NUDC: variants seen among roughly 807,000 people sequenced by gnomAD.
NUDC encodes the protein nuclear migration protein nudC.
NUDC carries 14 observed loss-of-function variants against 45.0 expected under a neutral mutation model. That is an observed-to-expected ratio of 0.31 (90% confidence interval 0.21 to 0.49). The LOEUF (loss-of-function observed/expected upper bound fraction) is 0.49, where lower values mean the gene tolerates loss of function less well. Among genes scored for constraint, NUDC ranks in the 20% least tolerant of loss-of-function variants. The pLI, the probability that NUDC is intolerant of heterozygous loss-of-function variation, is 0.99. For synonymous variants in NUDC, 153 were observed against 156.7 expected (o/e 0.98, Z 0.17); for missense variants, 323 against 426.2 (o/e 0.76, Z 2.13).
chr1:26,935,551 C>T (rs989561675), intron 2 of NUDC, among the ~76,000 whole-genome samples: 2 of 151,978 alleles, frequency 1.3e-5, no homozygotes, highest in African/African-American at 4.8e-5. Context: ...CTCATGATAA[C>T]TCACTATCAA....
chr1:26,929,876 T>C (rs2082166466), intron 2 of NUDC, among the ~76,000 whole-genome samples: 1 of 151,774 alleles, frequency 6.6e-6, no homozygotes, highest in Admixed American at 6.6e-5. Context: ...ATACAAAAAT[T>C]AGCTGGGCAT....
At position 26,933,084 on chromosome 1, in the gene NUDC, C is replaced by T. The variant is rs549263716; in HGVS notation, c.160-8373C>T. Among the ~76,000 whole-genome samples, 143 of 152,030 alleles carry T rather than the reference C, an allele frequency of 9.4e-4. 1 individual carries two copies. Among genetic ancestry groups the T allele is most frequent in the African/African-American group, 3.1e-3 (128 of 41,466 alleles). The stretch of plus-strand genomic sequence containing the variant: ...CCGAGTACCTGGGACTACAGGCACA[C>T]GCCACCACGCCCGGCTAATTTTTGT... On this transcript the variant is annotated intron_variant, in intron 2 of 8. Transcript: ENST00000321265.
chr1:26,942,863 C>T lies in NUDC; in HGVS notation c.547-8C>T, dbSNP rs767233944. ...GTGGCCTCTTCTGACTGCCTCTGCC[C>T]TATGCAGCTGGCGGTCCCTTTCTGT... On this transcript the variant is annotated splice_polypyrimidine_tract_variant and splice_region_variant and intron_variant, in intron 5 of 8. Coordinates refer to ENST00000321265, the MANE Select transcript of NUDC (RefSeq NM_006600.4). 1.9e-6 allele frequency: 3 copies of T among 1,613,858 alleles called. No individual in the cohort carries two copies. The highest frequency in any genetic ancestry group is 2.7e-5 in the African/African-American group (2 of 75,032).
Position 26,945,394 on chromosome 1 carries a change from A to G in NUDC, c.746A>G (p.Asn249Ser), listed in dbSNP as rs755200144. ...CTCTGGTTGTTCTCTTCACAGATCA[A>G]TAAGATGGAGTGGTGGAGCCGCTTG... ...KVVTVHLEKI[N>S]KMEWWSRLVS... Residue 249 changes from asparagine (N) to serine (S), a missense_variant, in exon 7 of 9, where the codon AAT becomes AGT. This residue lies in a region of NUDC where 245 missense variants were observed against 278.8 expected (regional missense o/e 0.88). Coordinates refer to ENST00000321265, the MANE Select transcript of NUDC (RefSeq NM_006600.4). The G allele has an allele frequency of 2.5e-6, 4 of 1,613,922 alleles. No homozygotes were observed. The highest frequency in any genetic ancestry group is 4.5e-5 in the East Asian group (2 of 44,880).
chr1:26,942,190 G>A (rs1373997058), intron 4 of NUDC, among the ~76,000 whole-genome samples: 1 of 152,130 alleles, frequency 6.6e-6, no homozygotes, highest in Non-Finnish European at 1.5e-5. Flanking sequence ...TACTCGGGAG[G>A]CTGAGGCAGA....
intron 2 of NUDC, among the ~76,000 whole-genome samples, chr1:26,909,077 C>T (rs1042805769): frequency 2.0e-5 from 3 of 152,112 alleles, no homozygotes; most frequent in East Asian, 1.9e-4. Flanking sequence ...CAGGTTCAAC[C>T]GATTCTCCTG....
chr1:26,929,955 C>T (rs1054404839), intron 2 of NUDC, among the ~76,000 whole-genome samples: 3 of 152,006 alleles, frequency 2.0e-5, no homozygotes, highest in Admixed American at 6.6e-5. Context: ...ACCCAGGAGG[C>T]GGAGGTTTCA....
chr1:26,931,754 C>T (rs1369364195), intron 2 of NUDC, among the ~76,000 whole-genome samples: 17 of 149,902 alleles, frequency 1.1e-4, no homozygotes, highest in African/African-American at 4.2e-4. Context: ...TCCAGCCTGG[C>T]GACAGAACGA....
At chr1:26,914,272 G>A (rs1284719107) in intron 3 of NUDC, among the ~76,000 whole-genome samples, 1 of 152,204 alleles carries the variant, frequency 6.6e-6, no homozygotes, top group East Asian at 1.9e-4. Context: ...GGCTGTACCA[G>A]GGCACCAAGG....
rs182841460 is a variant in NUDC, at chr1:26,933,923, G to T, written c.160-7534G>T. Among the ~76,000 whole-genome samples the T allele has an allele frequency of 9.1e-4, 139 of 152,282 alleles. 1 individual carries two copies. The highest frequency in any genetic ancestry group is 3.1e-3 in the African/African-American group (128 of 41,572). On this transcript the variant is annotated intron_variant, in intron 2 of 8. Transcript: ENST00000321265. Reference sequence around the variant, plus strand: ...TAATCCCACCACTTTGGGTGGCCAAGGTGGGCAGATCACGAGGTCAGGAGA... The same window carrying T: ...TAATCCCACCACTTTGGGTGGCCAATGTGGGCAGATCACGAGGTCAGGAGA...
intron 2 of NUDC, among the ~76,000 whole-genome samples, chr1:26,925,447 G>A (rs1272935516): frequency 6.8e-6 from 1 of 148,080 alleles, no homozygotes; most frequent in Non-Finnish European, 1.5e-5. Flanking sequence ...GGCTGAGGCA[G>A]GAGAATGGCG....
At chr1:26,936,961 A>G (rs1570739578) in intron 2 of NUDC, among the ~76,000 whole-genome samples, 1 of 152,148 alleles carries the variant, frequency 6.6e-6, no homozygotes, top group African/African-American at 2.4e-5. Flanking sequence ...GACAGTGCCC[A>G]CTTGACACAC....
At chr1:26,924,733 G>A (rs2082117303) in intron 2 of NUDC, among the ~76,000 whole-genome samples, 1 of 150,936 alleles carries the variant, frequency 6.6e-6, no homozygotes, top group African/African-American at 2.4e-5. Context: ...TTTGTATTTT[G>A]ATAGAGACGA....
chr1:26,925,320 C>G (rs1160771576), intron 2 of NUDC, among the ~76,000 whole-genome samples: 1 of 151,222 alleles, frequency 6.6e-6, no homozygotes, highest in African/African-American at 2.4e-5. Context: ...GCTGGCGGAT[C>G]ACGAGGTCAG....
chr1:26,930,314 C>T (rs2082170047), intron 2 of NUDC, among the ~76,000 whole-genome samples: 1 of 152,160 alleles, frequency 6.6e-6, no homozygotes, highest in African/African-American at 2.4e-5. Flanking sequence ...GGAGTATAGG[C>T]GTGCCCCACC....
chr1:26,901,397 CTT>C (rs34988488), intron 1 of NUDC, among the ~76,000 whole-genome samples: 11 of 73,622 alleles, frequency 1.5e-4, no homozygotes, highest in South Asian at 5.3e-4. Context: ...GCCTTTTTGT[CTT>C]TTTTTTTTTT....
chr1:26,913,430 C>T, intron 3 of NUDC: 1 of 1,614,128 alleles, frequency 6.2e-7, no homozygotes, highest in Non-Finnish European at 8.5e-7. Context: ...AGGATGGTCC[C>T]TTTCAGGCAG....
rs187383108 is a variant in NUDC, at chr1:26,908,288, C to T, written c.-15-2840C>T. The stretch of plus-strand genomic sequence containing the variant: ...CCCTCACTGGCAATGAGACACAGAT[C>T]CCAACCCAGGATGCTGATCATGGAG... On this transcript the variant is annotated intron_variant, in intron 2 of 6. Transcript: ENST00000435827. Among the ~76,000 whole-genome samples the T allele has an allele frequency of 3.3e-5, 5 of 152,294 alleles. No homozygotes were observed. In the East Asian group the frequency reaches 7.7e-4, roughly 23 times the overall value.
chr1:26,923,987 T>G, intron 1 of NUDC, 102 bp from the exon 2 acceptor site: 3 of 1,024,604 alleles, frequency 2.9e-6, no homozygotes, highest in Middle Eastern at 4.1e-4. Context: ...GGAAAAATAG[T>G]CAAGTCCCAA....
Sources: gnomAD v4.1 joint callset for allele counts (sites outside exome capture counted in the v4.1 genomes callset) on GRCh38, gnomAD v4.1.1 for gene constraint, gnomAD v4.1.1 regional missense constraint, MANE v1.5 for transcripts, NCBI Gene and HGNC (gene_info 2026-07-23, HGNC 2026-07-21) for gene names.